Variants in CERS6 observed in about 807,000 individuals in gnomAD.
CERS6 encodes LAG1 homolog, ceramide synthase 6.
Under a neutral mutation model 56.8 loss-of-function variants are expected in CERS6, and 26 were observed. The ratio of observed to expected loss-of-function variants is 0.46; its 90% CI spans 0.34 to 0.63. The LOEUF (loss-of-function observed/expected upper bound fraction) is 0.63, where lower values mean the gene tolerates loss of function less well. Ranked by LOEUF, CERS6 falls within the 30% of genes least tolerant of loss-of-function variation. The probability of loss-of-function intolerance (pLI) is 0.01; values close to 1 mark genes in which losing one functional copy is unlikely to be tolerated. For missense variants in CERS6, 415 were observed against 467.5 expected (o/e 0.89, Z 1.04); for synonymous variants, 164 against 173.3 (o/e 0.95, Z 0.42).
intron 4 of CERS6, among the ~76,000 whole-genome samples, chr2:168,677,093 A>G (rs1021168387): frequency 4.0e-5 from 6 of 149,996 alleles, no homozygotes; most frequent in Admixed American, 2.7e-4. Flanking sequence ...ACAGGTATAC[A>G]TGTGCCATGG....
At chr2:168,645,183 A>G (rs1468109139) in intron 4 of CERS6, among the ~76,000 whole-genome samples, 1 of 115,366 alleles carries the variant, frequency 8.7e-6, no homozygotes, top group African/African-American at 3.7e-5. Flanking sequence ...AGAGAGAGAG[A>G]GAGAGAGTAA....
chr2:168,565,259 A>G (rs2105384595), intron 3 of CERS6, among the ~76,000 whole-genome samples: 1 of 152,354 alleles, frequency 6.6e-6, no homozygotes, highest in East Asian at 1.9e-4. Context: ...GTTATTAACT[A>G]AGGATGCATT....
At chr2:168,529,104 T>C (rs912693363) in intron 1 of CERS6, among the ~76,000 whole-genome samples, 1 of 152,258 alleles carries the variant, frequency 6.6e-6, no homozygotes, top group African/African-American at 2.4e-5. Context: ...TGCTGTCTCA[T>C]TCAACTTTAC....
At chr2:168,696,624 A>T (rs1432269983) in intron 6 of CERS6, among the ~76,000 whole-genome samples, 1 of 152,208 alleles carries the variant, frequency 6.6e-6, no homozygotes, top group Non-Finnish European at 1.5e-5. Context: ...AGATCAAGGC[A>T]CCAGCAGATT....
At chr2:168,642,254 G>C (rs1190289152) in intron 4 of CERS6, among the ~76,000 whole-genome samples, 2 of 152,030 alleles carry the variant, frequency 1.3e-5, no homozygotes, top group African/African-American at 2.4e-5. Context: ...AGGCGGGCAG[G>C]TCTATTGAGC....
chr2:168,494,371 G>C (rs1694426511), intron 1 of CERS6, among the ~76,000 whole-genome samples: 1 of 152,006 alleles, frequency 6.6e-6, no homozygotes, highest in South Asian at 2.1e-4. Context: ...TTCGACTTTG[G>C]GCTAGTTAGT....
chr2:168,472,363 G>C (rs561444870), intron 1 of CERS6, among the ~76,000 whole-genome samples: 13 of 152,100 alleles, frequency 8.5e-5, no homozygotes, highest in Non-Finnish European at 1.8e-4. Flanking sequence ...TTTAAAAACC[G>C]TTTGCAGTAT....
intron 1 of CERS6, among the ~76,000 whole-genome samples, chr2:168,479,273 ATTTT>A (rs1361000286): frequency 6.6e-6 from 1 of 152,098 alleles, no homozygotes; most frequent in Admixed American, 6.5e-5. Flanking sequence ...TTTCATCTGT[ATTTT>A]TATTTATTCC....
chr2:168,480,710 A>G (rs950154731), intron 1 of CERS6, among the ~76,000 whole-genome samples: 2 of 152,206 alleles, frequency 1.3e-5, no homozygotes, highest in African/African-American at 4.8e-5. Context: ...AGGAATAGAA[A>G]TGCTTTTGAA....
chr2:168,700,467 T>C (rs1372716251), intron 6 of CERS6, among the ~76,000 whole-genome samples: 1 of 152,156 alleles, frequency 6.6e-6, no homozygotes, highest in Admixed American at 6.5e-5. Flanking sequence ...GCACCTACCA[T>C]GAACACCATT....
intron 8 of CERS6, 25 bp from the exon 9 acceptor site, chr2:168,765,567 C>T (rs373592934): frequency 3.1e-6 from 5 of 1,607,586 alleles, no homozygotes; most frequent in Non-Finnish European, 4.2e-6. Flanking sequence ...GCCACATTCA[C>T]TAATCACCTC....
intron 1 of CERS6, among the ~76,000 whole-genome samples, chr2:168,522,036 G>T (rs1039839899): frequency 6.6e-6 from 1 of 152,178 alleles, no homozygotes; most frequent in Admixed American, 6.5e-5. Flanking sequence ...GGTAGTGATT[G>T]ATTTGAGAAC....
At chr2:168,670,749 A>G (rs940808092) in intron 4 of CERS6, among the ~76,000 whole-genome samples, 2 of 152,080 alleles carry the variant, frequency 1.3e-5, no homozygotes, top group Non-Finnish European at 2.9e-5. Context: ...CTGACATTTC[A>G]TATGCCCCTT....
At position 168,684,199 on chromosome 2, in the gene CERS6, C is replaced by G. The variant is rs143292459; in HGVS notation, c.466-6835C>G. Reference sequence around the variant, plus strand: ...AGGGGGTCAAGTCCAAATTACATTTCCACATCAGGAGAACTTTCAAGGCTA... The same window carrying G: ...AGGGGGTCAAGTCCAAATTACATTTGCACATCAGGAGAACTTTCAAGGCTA... On this transcript the variant is annotated intron_variant, in intron 4 of 9. Transcript: ENST00000305747. 3.8e-3 allele frequency among the ~76,000 whole-genome samples: 586 copies of G among 152,242 alleles called. 2 individuals carry two copies. Among genetic ancestry groups the G allele is most frequent in the African/African-American group, 0.013 (548 of 41,542 alleles).
intron 8 of CERS6, among the ~76,000 whole-genome samples, chr2:168,720,421 A>G (rs928405179): frequency 6.6e-6 from 1 of 152,172 alleles, no homozygotes; most frequent in African/African-American, 2.4e-5. Flanking sequence ...ATTTCCAGAA[A>G]AGAACAACTA....
At chr2:168,565,904 G>A (rs142900220) in intron 3 of CERS6, among the ~76,000 whole-genome samples, 8 of 152,322 alleles carry the variant, frequency 5.3e-5, no homozygotes, top group African/African-American at 1.2e-4. Context: ...AACTGGTTCC[G>A]AATGGAAGCA....
At chr2:168,604,420 G>A (rs868018758) in intron 3 of CERS6, among the ~76,000 whole-genome samples, 1 of 151,864 alleles carries the variant, frequency 6.6e-6, no homozygotes, top group Non-Finnish European at 1.5e-5. Flanking sequence ...TAGGTCAGGG[G>A]TTGGTAAACT....
chr2:168,640,022 G>A (rs1399520919), intron 4 of CERS6, among the ~76,000 whole-genome samples: 1 of 152,106 alleles, frequency 6.6e-6, no homozygotes, highest in Non-Finnish European at 1.5e-5. Flanking sequence ...ACCATTTTGT[G>A]CCCAAGAAAT....
intron 4 of CERS6, among the ~76,000 whole-genome samples, chr2:168,665,952 C>CTGTG (rs58913968): frequency 0.19 from 26,730 of 142,998 alleles, 2,783 homozygotes; most frequent in East Asian, 0.38. Context: ...AATTAGTAGA[C>CTGTG]TGTGTGTGTG....
Sources: gnomAD v4.1 joint callset for allele counts (sites outside exome capture counted in the v4.1 genomes callset) on GRCh38, gnomAD v4.1.1 for gene constraint, MANE v1.5 for transcripts, NCBI Gene and HGNC (gene_info 2026-07-23, HGNC 2026-07-21) for gene names.